The following RBFOX2 variants were observed in gnomAD, a reference collection of about 807,000 sequenced individuals.
RBFOX2 encodes the protein RNA binding protein fox-1 homolog 2.
RBFOX2 carries 10 observed loss-of-function variants against 49.1 expected under a neutral mutation model. That is an observed-to-expected ratio of 0.20 (90% CI 0.13 to 0.35). RBFOX2 has a LOEUF of 0.35. RBFOX2 is among the 10% of genes least tolerant of loss of function. The probability of loss-of-function intolerance (pLI) is 1.00; values close to 1 mark genes in which losing one functional copy is unlikely to be tolerated. For synonymous variants in RBFOX2, 183 were observed against 187.4 expected (o/e 0.98, Z 0.19); for missense variants, 323 against 486.9 (o/e 0.66, Z 3.17).
intron 2 of RBFOX2, among the ~76,000 whole-genome samples, chr22:35,796,798 T>C (rs1465652926): frequency 6.6e-6 from 1 of 152,208 alleles, no homozygotes; most frequent in Non-Finnish European, 1.5e-5. Flanking sequence ...ACCACATTTG[T>C]TACTATCATC....
At chr22:35,871,293 A>T (rs1038126892) in intron 1 of RBFOX2, among the ~76,000 whole-genome samples, 2 of 152,184 alleles carry the variant, frequency 1.3e-5, no homozygotes, top group Non-Finnish European at 2.9e-5. Context: ...GAACAAAAGA[A>T]ATGTGAAGGT....
chr22:36,013,361 A>C (rs1028017660), intron 1 of RBFOX2, among the ~76,000 whole-genome samples: 12 of 152,158 alleles, frequency 7.9e-5, no homozygotes, highest in African/African-American at 2.7e-4. Context: ...TAATAATAAA[A>C]ATGGCTATTA....
At chr22:35,768,205 A>G (rs1368320783) in intron 5 of RBFOX2, 52 bp downstream of exon 6, 28 of 1,583,900 alleles carry the variant, frequency 1.8e-5, no homozygotes, top group Non-Finnish European at 2.4e-5. Flanking sequence ...GGCAACACGA[A>G]AAAAGAGAAA....
intron 2 of RBFOX2, among the ~76,000 whole-genome samples, chr22:35,799,627 G>A (rs946954036): frequency 1.3e-5 from 2 of 152,076 alleles, no homozygotes; most frequent in East Asian, 1.9e-4. Context: ...AGGGACAACT[G>A]ATCTTAAAAG....
chr22:35,832,005 T>A (rs143148185), intron 1 of RBFOX2, among the ~76,000 whole-genome samples: 33 of 152,180 alleles, frequency 2.2e-4, no homozygotes, highest in Admixed American at 9.2e-4. Context: ...TTTTTAGGAG[T>A]TCAAGGTAAT....
Position 35,913,105 on chromosome 22 carries a change from AT to A in RBFOX2, c.-34+25741del, listed in dbSNP as rs1014938849. On this transcript the variant is annotated intron_variant, in intron 1 of 13. Transcript: ENST00000359369. ...CTGACATTTTAGGGCTTCTACTGTA[AT>A]TTTTTTTTAATTGGAAGTAACCAAA... Among the ~76,000 whole-genome samples the A allele has an allele frequency of 1.5e-3, 118 of 77,506 alleles. No homozygotes were observed. The East Asian group carries it at 0.028, about 19-fold the overall frequency. 50.8% of individuals were successfully genotyped at this position (77,506 alleles called of 152,430 possible). A position where few individuals can be genotyped will look rare whatever the true frequency, so the allele number is the denominator to read the frequency against.
upstream of RBFOX2, among the ~76,000 whole-genome samples, chr22:35,841,608 C>A (rs2040505085): frequency 6.6e-6 from 1 of 152,094 alleles, no homozygotes. Context: ...ATAAATAGCT[C>A]ATTCTGAAGG....
intron 1 of RBFOX2, among the ~76,000 whole-genome samples, chr22:35,848,683 A>G (rs531308545): frequency 6.6e-6 from 1 of 152,352 alleles, no homozygotes; most frequent in East Asian, 1.9e-4. Context: ...TGGCTATTTG[A>G]AAGAAAAAAA....
chr22:35,743,364 G>A (rs1054508886), exon 12 of RBFOX2: 2 of 152,148 alleles, frequency 1.3e-5, no homozygotes, highest in Non-Finnish European at 2.9e-5. Flanking sequence ...GAGCTAAGCT[G>A]TGGTTCAATT....
intron 1 of RBFOX2, among the ~76,000 whole-genome samples, chr22:35,904,442 A>C (rs2048910885): frequency 6.6e-6 from 1 of 152,160 alleles, no homozygotes; most frequent in Non-Finnish European, 1.5e-5. Flanking sequence ...TATTTGCAGG[A>C]GTTTCTGGCA....
chr22:35,951,235 C>A (rs2054888053), intron 1 of RBFOX2, among the ~76,000 whole-genome samples: 1 of 128,940 alleles, frequency 7.8e-6, no homozygotes. Flanking sequence ...ATTACCGCAC[C>A]CGGCCCTTTT....
At chr22:35,941,057 T>C (rs2149762859), upstream of RBFOX2, among the ~76,000 whole-genome samples, 1 of 152,258 alleles carries the variant, frequency 6.6e-6, no homozygotes, top group African/African-American at 2.4e-5. Flanking sequence ...TAAAAGCACT[T>C]CATAAATGCG....
intron 1 of RBFOX2, among the ~76,000 whole-genome samples, chr22:35,926,460 T>C (rs1416411554): frequency 6.6e-6 from 1 of 152,192 alleles, no homozygotes; most frequent in African/African-American, 2.4e-5. Flanking sequence ...ATTGCCTATA[T>C]ACAAAATAAC....
chr22:35,998,194 A>C (rs1569521043), intron 1 of RBFOX2: 1 of 152,012 alleles, frequency 6.6e-6, no homozygotes, highest in South Asian at 2.1e-4. Context: ...TATCTTTCCC[A>C]CCAATACAAT....
intron 1 of RBFOX2, among the ~76,000 whole-genome samples, chr22:35,849,290 CACACACAA>C (rs1192771894): frequency 1.6e-3 from 195 of 122,836 alleles, no homozygotes; most frequent in African/African-American, 8.2e-3. Context: ...CACACACATA[CACACACAA>C]ACACACACAC....
At chr22:35,928,060 A>C (rs1009348656) in intron 1 of RBFOX2, among the ~76,000 whole-genome samples, 1 of 152,192 alleles carries the variant, frequency 6.6e-6, no homozygotes, top group Non-Finnish European at 1.5e-5. Flanking sequence ...CATGCCAAGA[A>C]ATTTACATAT....
intron 1 of RBFOX2, among the ~76,000 whole-genome samples, chr22:36,007,360 T>C (rs1221719098): frequency 6.6e-6 from 1 of 151,856 alleles, no homozygotes; most frequent in African/African-American, 2.4e-5. Context: ...AATGACAAAA[T>C]GACCATGCGC....
chr22:36,024,080 C>T (rs1487177553), intron 1 of RBFOX2, among the ~76,000 whole-genome samples: 3 of 152,130 alleles, frequency 2.0e-5, no homozygotes, highest in East Asian at 1.9e-4. Flanking sequence ...CTATAAAAAG[C>T]GGTTAATCCT....
chr22:35,995,167 A>G (rs2058137315), intron 1 of RBFOX2: 1 of 152,220 alleles, frequency 6.6e-6, no homozygotes, highest in Non-Finnish European at 1.5e-5. Flanking sequence ...CAATCATCAG[A>G]GTATAGAGAA....
Sources: allele counts gnomAD v4.1 joint callset (sites outside exome capture counted in the v4.1 genomes callset), GRCh38; gene constraint gnomAD v4.1.1; transcripts MANE v1.5; gene names NCBI Gene and HGNC (gene_info 2026-07-23, HGNC 2026-07-21).